RTKN2: variants seen among roughly 807,000 people sequenced by gnomAD.
RTKN2 encodes the protein rhotekin 2, also known as rhotekin-2.
A neutral mutation model predicts 71.5 loss-of-function variants in RTKN2; 69 were observed. The ratio of observed to expected loss-of-function variants is 0.96; its 90% CI spans 0.79 to 1.18. The LOEUF is 1.18. Ranked by LOEUF, RTKN2 falls within the 50% of genes most tolerant of loss-of-function variation. RTKN2 has a pLI of 0.00. For missense variants in RTKN2, 724 were observed against 719.7 expected (o/e 1.01, Z -0.07); for synonymous variants, 236 against 236.5 (o/e 1.00, Z 0.02).
chr10:62,193,956 C>T lies in RTKN2; in HGVS notation c.*3952G>A, dbSNP rs1033968285. 8 of 984,326 alleles carry T rather than the reference C, an allele frequency of 8.1e-6. No individual in the cohort carries two copies. In the African/African-American group the frequency reaches 1.4e-4, roughly 17 times the overall value. 61.0% of individuals were successfully genotyped at this position (984,326 alleles called of 1,614,324 possible). On this transcript the variant is annotated 3_prime_UTR_variant, in exon 12 of 12. Coordinates refer to ENST00000373789, the MANE Select transcript of RTKN2 (RefSeq NM_145307.4). ...CACCACACTGTCTACTTCAATCAGT[C>T]TAGTCTAGAGGAGCACTTAAAGAGA... is the stretch of plus-strand genomic sequence containing the variant.
At chr10:62,251,763 A>G (rs1168392800) in intron 2 of RTKN2, among the ~76,000 whole-genome samples, 1 of 152,140 alleles carries the variant, frequency 6.6e-6, no homozygotes, top group Non-Finnish European at 1.5e-5. Context: ...AGTAAAGAAT[A>G]AACAATAGGC....
rs756858537 is a variant in RTKN2 at position 62,241,142 on chromosome 10, G to A, written c.370C>T (p.Arg124Ter). 1.1e-5 allele frequency: 17 copies of A among 1,512,218 alleles called. No homozygotes were observed. In the South Asian group the frequency reaches 1.3e-4, roughly 11 times the overall value. 93.7% of individuals were successfully genotyped at this position (1,512,218 alleles called of 1,614,324 possible). A position where few individuals can be genotyped will look rare whatever the true frequency, so the allele number is the denominator to read the frequency against. ...KDSDHFSNKE[R>*]SRRYAIFCLF... ...AATTACAAATTAAAATCATACATAC[G>A]TTCTTTATTGCTGAAGTGATCAGAG... The change falls in exon 4 of 12, where the codon CGA (arginine) becomes TGA (stop). Residue 124 changes from arginine (R) to a stop codon, truncating the protein, a stop_gained and splice_region_variant. Transcript: ENST00000373789. LOFTEE classifies it high-confidence loss of function.
Position 62,236,279 on chromosome 10 carries a change from T to C in RTKN2, c.489-16A>G, listed in dbSNP as rs760097479. 4 of 1,534,696 alleles carry C rather than the reference T, an allele frequency of 2.6e-6. No individual in the cohort carries two copies. Among genetic ancestry groups the C allele is most frequent in the Non-Finnish European group, 3.6e-6 (4 of 1,121,484 alleles). ...TGCTTCATTACTAAAAACAAGGGCA[T>C]TCATAATGTTGGAAATTTAACTCAG... On this transcript the variant is annotated splice_polypyrimidine_tract_variant and intron_variant, in intron 5 of 11. Coordinates refer to ENST00000373789, the MANE Select transcript of RTKN2 (RefSeq NM_145307.4).
In RTKN2 at chr10:62,197,298, T is replaced by G; in HGVS notation, c.*610A>C. The G allele has an allele frequency of 1.0e-6, 1 of 985,628 alleles. No individual in the cohort carries two copies. 61.1% of individuals were successfully genotyped at this position (985,628 alleles called of 1,614,324 possible). ...TCAGGGCTCATCAAGGAAACAAGTT[T>G]GAATAGCACATTACAAATTCCCTTT... On this transcript the variant is annotated 3_prime_UTR_variant, in exon 12 of 12. Coordinates refer to ENST00000373789, the MANE Select transcript of RTKN2 (RefSeq NM_145307.4).
rs189464907 is a variant in RTKN2, at chr10:62,197,167, A to T, written c.*741T>A. The T allele has an allele frequency of 8.8e-5, 87 of 985,596 alleles. No homozygotes were observed. Among genetic ancestry groups the T allele is most frequent in the Non-Finnish European group, 1.0e-4 (86 of 829,844 alleles). 61.1% of individuals were successfully genotyped at this position (985,596 alleles called of 1,614,324 possible). On this transcript the variant is annotated 3_prime_UTR_variant, in exon 12 of 12. Transcript: ENST00000373789. ...CCTAAATTCCAAAGTCACAATGGAA[A>T]TTAGCACCACACACAGAAAATTGAA...
At chr10:62,249,079 T>C (rs1274265549) in intron 2 of RTKN2, among the ~76,000 whole-genome samples, 4 of 152,208 alleles carry the variant, frequency 2.6e-5, no homozygotes, top group African/African-American at 9.6e-5. Context: ...GTAATGTCTT[T>C]AAATACAAGT....
At chr10:62,203,085 G>C (rs549084313) in intron 10 of RTKN2, among the ~76,000 whole-genome samples, 1 of 152,104 alleles carries the variant, frequency 6.6e-6, no homozygotes, top group African/African-American at 2.4e-5. Flanking sequence ...ACTTGAACCC[G>C]GGAGGCAGAG....
Position 62,268,682 on chromosome 10 carries a change from A to G in RTKN2, c.-72T>C. On this transcript the variant is annotated 5_prime_UTR_variant, in exon 1 of 12. Transcript: ENST00000373789. ...ATTTGAAAAGCCCGCCCCTGGCAGG[A>G]GCCGCAGAGGACGCCAACCGCCCGG... 1.4e-6 allele frequency: 2 copies of G among 1,477,092 alleles called. No homozygotes were observed. The highest frequency in any genetic ancestry group is 1.2e-5 in the South Asian group (1 of 81,266). 91.5% of individuals were successfully genotyped at this position (1,477,092 alleles called of 1,614,324 possible). A position where few individuals can be genotyped will look rare whatever the true frequency, so the allele number is the denominator to read the frequency against.
At chr10:62,268,431 G>T in intron 1 of RTKN2, 120 bp downstream of exon 1, 1 of 976,562 alleles carries the variant, frequency 1.0e-6, no homozygotes, top group Non-Finnish European at 1.6e-6. Flanking sequence ...TTTGTTTCTG[G>T]CCACCGCTGA....
rs116903080 is a variant in RTKN2 at position 62,257,361 on chromosome 10, G to A, written c.257+5264C>T. On this transcript the variant is annotated intron_variant, in intron 2 of 11. Coordinates refer to ENST00000373789, the MANE Select transcript of RTKN2 (RefSeq NM_145307.4). ...TAGTGAGGTATTCATGATTTGGATG[G>A]TACTAGAAGTAAAAGGAGGTAAATA... Among the ~76,000 whole-genome samples, 422 of 152,256 alleles carry A rather than the reference G, an allele frequency of 2.8e-3. 2 individuals carry two copies. Among genetic ancestry groups the A allele is most frequent in the Non-Finnish European group, 4.2e-3 (285 of 68,018 alleles).
chr10:62,215,988 A>G (rs1296721292), intron 9 of RTKN2, among the ~76,000 whole-genome samples: 1 of 151,622 alleles, frequency 6.6e-6, no homozygotes, highest in Non-Finnish European at 1.5e-5. Context: ...AAAACAAAAC[A>G]GTTTAAACAA....
chr10:62,214,866 C>T (rs1172763986), intron 9 of RTKN2, among the ~76,000 whole-genome samples: 2 of 152,030 alleles, frequency 1.3e-5, no homozygotes, highest in Non-Finnish European at 2.9e-5. Flanking sequence ...CAAAAACAGT[C>T]CATGAATTTT....
intron 2 of RTKN2, among the ~76,000 whole-genome samples, chr10:62,249,015 C>T (rs987688290): frequency 7.9e-5 from 12 of 152,038 alleles, no homozygotes; most frequent in African/African-American, 2.9e-4. Flanking sequence ...TTAACCCATC[C>T]TAAAACTATG....
intron 2 of RTKN2, among the ~76,000 whole-genome samples, chr10:62,247,180 G>A (rs924226636): frequency 1.3e-5 from 2 of 151,892 alleles, no homozygotes; most frequent in East Asian, 1.9e-4. Flanking sequence ...ATTTTTGGAA[G>A]AGGATGACAG....
intron 6 of RTKN2, among the ~76,000 whole-genome samples, chr10:62,228,644 C>T (rs758973060): frequency 5.3e-5 from 8 of 152,014 alleles, no homozygotes; most frequent in Admixed American, 3.3e-4. Flanking sequence ...GAAATGATGC[C>T]GTACTAAAGT....
chr10:62,213,597 T>C (rs1375570153), intron 9 of RTKN2, among the ~76,000 whole-genome samples: 1 of 152,166 alleles, frequency 6.6e-6, no homozygotes, highest in Non-Finnish European at 1.5e-5. Flanking sequence ...GTGATAATGG[T>C]ATTATGATTA....
intron 8 of RTKN2, among the ~76,000 whole-genome samples, chr10:62,186,301 C>CA (rs1014139317): frequency 6.6e-6 from 1 of 151,996 alleles, no homozygotes; most frequent in African/African-American, 2.4e-5. Context: ...TGAGAAGTTC[C>CA]AAAAAAGTTT....
intron 6 of RTKN2, among the ~76,000 whole-genome samples, chr10:62,233,486 G>A (rs1419290517): frequency 6.6e-6 from 1 of 151,990 alleles, no homozygotes; most frequent in African/African-American, 2.4e-5. Flanking sequence ...ATTTACATTG[G>A]AAAGACATCT....
At chr10:62,241,693 C>T (rs1842378167) in intron 3 of RTKN2, among the ~76,000 whole-genome samples, 1 of 152,118 alleles carries the variant, frequency 6.6e-6, no homozygotes, top group South Asian at 2.1e-4. Flanking sequence ...AACCTCCCAC[C>T]TAAGCCTCCC....
Sources: allele counts gnomAD v4.1 joint callset (sites outside exome capture counted in the v4.1 genomes callset), GRCh38; gene constraint gnomAD v4.1.1; transcripts MANE v1.5; gene names NCBI Gene and HGNC (gene_info 2026-07-23, HGNC 2026-07-21).